SNX14: variants seen among roughly 807,000 people sequenced by gnomAD.
SNX14 encodes the protein sorting nexin-14.
SNX14 carries 93 observed loss-of-function variants against 133.8 expected under a neutral mutation model. That is an observed-to-expected ratio of 0.70 (90% CI 0.59 to 0.83). The LOEUF is 0.83. Among genes scored for constraint, SNX14 ranks in the 40% least tolerant of loss-of-function variants. The pLI, the probability that SNX14 is intolerant of heterozygous loss-of-function variation, is 0.00. For missense variants in SNX14, 945 were observed against 1,094.9 expected (o/e 0.86, Z 1.93); for synonymous variants, 368 against 365.6 (o/e 1.01, Z -0.07).
chr6:85,580,189 C>A (rs928756164), intron 1 of SNX14, among the ~76,000 whole-genome samples: 1 of 152,088 alleles, frequency 6.6e-6, no homozygotes, highest in African/African-American at 2.4e-5. Context: ...AGTAATGAGG[C>A]CCTCATTCCA....
intron 21 of SNX14, among the ~76,000 whole-genome samples, chr6:85,523,904 C>T (rs968527177): frequency 1.3e-5 from 2 of 152,162 alleles, no homozygotes; most frequent in Non-Finnish European, 2.9e-5. Flanking sequence ...CAGATGGTGA[C>T]GTCCAACTGG....
At chr6:85,516,632 C>CTTTTTTT (rs746721196) in intron 23 of SNX14, among the ~76,000 whole-genome samples, 3 of 126,426 alleles carry the variant, frequency 2.4e-5, no homozygotes, top group Non-Finnish European at 4.9e-5. Flanking sequence ...CTTCCTTAAT[C>CTTTTTTT]TTTTTTTTTT....
At chr6:85,553,740 C>A (rs1438661535) in intron 7 of SNX14, among the ~76,000 whole-genome samples, 2 of 150,984 alleles carry the variant, frequency 1.3e-5, no homozygotes, top group African/African-American at 4.9e-5. Context: ...GAGCCGAAAT[C>A]GCGCCACTGC....
In SNX14 at chr6:85,593,603, C is replaced by T; in HGVS notation, c.116G>A (p.Ser39Asn). 6.2e-7 allele frequency: 1 copy of T among 1,612,984 alleles called. No individual in the cohort carries two copies. Among genetic ancestry groups the T allele is most frequent in the South Asian group, 1.1e-5 (1 of 90,896 alleles). Reference protein sequence around the residue: ...PLFCFLLLCLSAASLLLNRYI... With the variant: ...PLFCFLLLCLNAASLLLNRYI... ...CCTGTTAAGAAGCAGGGAGGCGGCGCTGAGACAGAGCAGCAGGAAGCAGAA... is the reference window on the plus strand; with the variant it reads ...CCTGTTAAGAAGCAGGGAGGCGGCGTTGAGACAGAGCAGCAGGAAGCAGAA... The change falls in exon 1 of 29, where the codon AGC becomes AAC. Residue 39 changes from serine to asparagine, a missense_variant. Around this residue, in one of 3 missense-constraint regions of SNX14, gnomAD observed 514 missense variants for 538.8 expected, o/e 0.95. Coordinates refer to ENST00000314673, the MANE Select transcript of SNX14 (RefSeq NM_153816.6).
chr6:85,506,863 A>G (rs1770890406), intron 28 of SNX14, among the ~76,000 whole-genome samples: 1 of 152,158 alleles, frequency 6.6e-6, no homozygotes, highest in African/African-American at 2.4e-5. Flanking sequence ...GTTTACATAA[A>G]ACTTGCTTCA....
chr6:85,581,584 T>C (rs1240229582), intron 1 of SNX14: 2 of 151,998 alleles, frequency 1.3e-5, no homozygotes, highest in Non-Finnish European at 2.9e-5. Flanking sequence ...TTAAGAAAAC[T>C]CAAAGAAATT....
At chr6:85,539,303 C>T (rs1782883387) in intron 15 of SNX14, among the ~76,000 whole-genome samples, 1 of 152,088 alleles carries the variant, frequency 6.6e-6, no homozygotes, top group South Asian at 2.1e-4. Flanking sequence ...AAAAACCTGG[C>T]ATGGCACAAA....
intron 6 of SNX14, among the ~76,000 whole-genome samples, chr6:85,563,350 C>T (rs1440102572): frequency 6.6e-6 from 1 of 152,088 alleles, no homozygotes; most frequent in South Asian, 2.1e-4. Context: ...TATATATAGG[C>T]AATGATACAA....
intron 21 of SNX14, among the ~76,000 whole-genome samples, chr6:85,523,100 T>G (rs140875671): frequency 6.6e-6 from 1 of 152,098 alleles, no homozygotes; most frequent in Non-Finnish European, 1.5e-5. Context: ...CAAAAGAATA[T>G]AGGGGATTCA....
chr6:85,580,872 C>G (rs1798847418), intron 1 of SNX14, among the ~76,000 whole-genome samples: 1 of 152,134 alleles, frequency 6.6e-6, no homozygotes, highest in African/African-American at 2.4e-5. Flanking sequence ...TTTCCAACTC[C>G]TGGTCCTGGC....
chr6:85,534,046 G>T (rs1039457044), intron 17 of SNX14, among the ~76,000 whole-genome samples: 1 of 152,156 alleles, frequency 6.6e-6, no homozygotes, highest in African/African-American at 2.4e-5. Context: ...CGGGGACAGC[G>T]CCTATAATCC....
chr6:85,521,601 C>A (rs752936577), intron 21 of SNX14, among the ~76,000 whole-genome samples: 1 of 152,164 alleles, frequency 6.6e-6, no homozygotes, highest in Non-Finnish European at 1.5e-5. Flanking sequence ...TCCTCCCATT[C>A]TACAGGTTGT....
chr6:85,559,033 T>C (rs892608788), intron 6 of SNX14, among the ~76,000 whole-genome samples: 1 of 152,084 alleles, frequency 6.6e-6, no homozygotes, highest in Non-Finnish European at 1.5e-5. Context: ...ACTTAATATA[T>C]TATATATTTC....
chr6:85,564,582 A>G lies in SNX14; in HGVS notation c.549+750T>C, dbSNP rs1467551330. On this transcript the variant is annotated intron_variant, in intron 6 of 28. Coordinates refer to ENST00000314673, the MANE Select transcript of SNX14 (RefSeq NM_153816.6). ...CTAATTTCTACAAACCAAGATAACT[A>G]AGCATTAAAATGAAAGAAAGCAAAA... Among the ~76,000 whole-genome samples, 3 of 152,244 alleles carry G rather than the reference A, an allele frequency of 2.0e-5. No homozygotes were observed. In the East Asian group the frequency reaches 5.8e-4, roughly 29 times the overall value.
At chr6:85,556,380 A>G (rs1169465649) in intron 7 of SNX14, among the ~76,000 whole-genome samples, 3 of 152,110 alleles carry the variant, frequency 2.0e-5, no homozygotes, top group Admixed American at 2.0e-4. Flanking sequence ...CCTGAGCAAC[A>G]CAGTGAGACC....
chr6:85,542,673 C>T (rs113382434), intron 14 of SNX14, among the ~76,000 whole-genome samples: 2,205 of 152,298 alleles, frequency 0.014, 49 homozygotes, highest in African/African-American at 0.051. Flanking sequence ...GGATTATAGG[C>T]CTGAGCCACC....
intron 28 of SNX14, among the ~76,000 whole-genome samples, chr6:85,506,985 T>C (rs1253410599): frequency 1.3e-5 from 2 of 152,146 alleles, no homozygotes; most frequent in East Asian, 3.9e-4. Context: ...GGAAAGACTA[T>C]ATAGGGTCCC....
chr6:85,566,342 A>G (rs556975976), intron 5 of SNX14, among the ~76,000 whole-genome samples: 1 of 152,318 alleles, frequency 6.6e-6, no homozygotes, highest in East Asian at 1.9e-4. Context: ...TGGCATAGAA[A>G]CGATATTAAA....
At chr6:85,572,597 A>G (rs1346591547) in intron 2 of SNX14, among the ~76,000 whole-genome samples, 1 of 152,182 alleles carries the variant, frequency 6.6e-6, no homozygotes. Flanking sequence ...ACCTAAGCCA[A>G]ATTTCCAAGC....
Sources: gnomAD v4.1 joint callset for allele counts (sites outside exome capture counted in the v4.1 genomes callset) on GRCh38, gnomAD v4.1.1 for gene constraint, gnomAD v4.1.1 regional missense constraint, MANE v1.5 for transcripts, NCBI Gene and HGNC (gene_info 2026-07-23, HGNC 2026-07-21) for gene names.